Variants in GFRAL observed in about 807,000 individuals in gnomAD.
GFRAL encodes GDNF family receptor alpha-like.
Under a neutral mutation model 45.4 loss-of-function variants are expected in GFRAL, and 36 were observed. The ratio of observed to expected loss-of-function variants is 0.79; its 90% CI spans 0.61 to 1.05. The LOEUF is 1.05. Among genes scored for constraint, GFRAL ranks in the 50% least tolerant of loss-of-function variants. The pLI is 0.00. For missense variants in GFRAL, 507 were observed against 467.5 expected (o/e 1.08, Z -0.78); for synonymous variants, 166 against 154.1 (o/e 1.08, Z -0.57).
At chr6:55,359,352 A>G (rs1768242627) in intron 6 of GFRAL, among the ~76,000 whole-genome samples, 1 of 147,160 alleles carries the variant, frequency 6.8e-6, no homozygotes, top group Admixed American at 6.7e-5. Context: ...AAAAATTTAT[A>G]TGATAGGTCA....
chr6:55,355,947 CTTTAGCA>C (rs2127356460), intron 5 of GFRAL, among the ~76,000 whole-genome samples: 1 of 152,002 alleles, frequency 6.6e-6, no homozygotes, highest in African/African-American at 2.4e-5. Context: ...ACGTAGAGAA[CTTTAGCA>C]AATGCTTTTT....
intron 3 of GFRAL, among the ~76,000 whole-genome samples, chr6:55,343,595 C>T (rs1295440975): frequency 2.6e-5 from 4 of 152,096 alleles, no homozygotes; most frequent in Non-Finnish European, 4.4e-5. Context: ...AAAATTGACA[C>T]CCTAACATCA....
At chr6:55,366,433 T>C (rs1042372308) in intron 6 of GFRAL, among the ~76,000 whole-genome samples, 21 of 146,446 alleles carry the variant, frequency 1.4e-4, no homozygotes, top group Admixed American at 4.7e-4. Context: ...TTTGTGTCTC[T>C]ATTTCCTTCA....
At chr6:55,347,683 A>G (rs1054088093) in intron 3 of GFRAL, among the ~76,000 whole-genome samples, 4 of 152,268 alleles carry the variant, frequency 2.6e-5, no homozygotes, top group Middle Eastern at 3.4e-3. Context: ...TCGTGGTATG[A>G]TCTATATGGG....
chr6:55,346,368 A>G (rs1008636493), intron 3 of GFRAL, among the ~76,000 whole-genome samples: 1 of 152,222 alleles, frequency 6.6e-6, no homozygotes, highest in Admixed American at 6.5e-5. Flanking sequence ...GCCATAAAAA[A>G]GGATGAGTTC....
chr6:55,397,671 G>A (rs1768845340), intron 6 of GFRAL, among the ~76,000 whole-genome samples: 1 of 151,938 alleles, frequency 6.6e-6, no homozygotes, highest in Non-Finnish European at 1.5e-5. Context: ...GTTTACTACT[G>A]GTCTGAAACT....
chr6:55,384,370 T>C lies in GFRAL; in HGVS notation c.953-14810T>C, dbSNP rs559165932. ...TTTTTTCTATTAATTAAAAATAAAC[T>C]ATTACTATATTCCAGAGGCATTAGT... On this transcript the variant is annotated intron_variant, in intron 6 of 8. Coordinates refer to ENST00000340465, the MANE Select transcript of GFRAL (RefSeq NM_207410.2). 9.2e-5 allele frequency among the ~76,000 whole-genome samples: 14 copies of C among 152,204 alleles called. No homozygotes were observed. The East Asian group carries it at 2.7e-3, about 29-fold the overall frequency.
At chr6:55,329,225 T>C (rs1767800591) in intron 1 of GFRAL, among the ~76,000 whole-genome samples, 1 of 152,062 alleles carries the variant, frequency 6.6e-6, no homozygotes, top group Non-Finnish European at 1.5e-5. Context: ...GAGTCAATAT[T>C]TTGTTGAGTA....
chr6:55,329,023 T>G (rs891092288), intron 1 of GFRAL, among the ~76,000 whole-genome samples: 15 of 152,068 alleles, frequency 9.9e-5, no homozygotes, highest in African/African-American at 3.6e-4. Flanking sequence ...CTGATATAAT[T>G]TGCAGCATTA....
At chr6:55,363,886 C>A (rs1384139713) in intron 6 of GFRAL, among the ~76,000 whole-genome samples, 1 of 151,030 alleles carries the variant, frequency 6.6e-6, no homozygotes, top group African/African-American at 2.4e-5. Flanking sequence ...TGAATAATGT[C>A]GCAATAAACA....
chr6:55,347,810 GTC>G (rs202063228), intron 3 of GFRAL, among the ~76,000 whole-genome samples: 1,987 of 152,040 alleles, frequency 0.013, 22 homozygotes, highest in Non-Finnish European at 0.022. Flanking sequence ...ATTCTTCTCA[GTC>G]TCTTTTGAGC....
At chr6:55,361,512 C>G (rs2127357927) in intron 6 of GFRAL, among the ~76,000 whole-genome samples, 1 of 151,660 alleles carries the variant, frequency 6.6e-6, no homozygotes, top group South Asian at 2.1e-4. Flanking sequence ...TATCATTTTG[C>G]TGTTTTTTTA....
chr6:55,395,809 G>C (rs1217497439), intron 6 of GFRAL, among the ~76,000 whole-genome samples: 1 of 149,986 alleles, frequency 6.7e-6, no homozygotes, highest in East Asian at 1.9e-4. Flanking sequence ...AAAAGAAACA[G>C]TAATGCTCAC....
chr6:55,346,816 A>T (rs1768048320), intron 3 of GFRAL, among the ~76,000 whole-genome samples: 1 of 147,694 alleles, frequency 6.8e-6, no homozygotes, highest in African/African-American at 2.5e-5. Context: ...ATCAGTACAA[A>T]AAATAAACAA....
chr6:55,382,814 A>G (rs1418244374), intron 6 of GFRAL, among the ~76,000 whole-genome samples: 1 of 151,988 alleles, frequency 6.6e-6, no homozygotes, highest in African/African-American at 2.4e-5. Context: ...AATGAAAATC[A>G]CAATAAACAT....
intron 1 of GFRAL, 30 bp from the exon 2 acceptor site, chr6:55,331,685 A>G: frequency 1.3e-6 from 2 of 1,586,054 alleles, no homozygotes; most frequent in Non-Finnish European, 1.7e-6. Context: ...AATTTATATT[A>G]CAACCTTGTT....
rs1395110852 is a variant in GFRAL at position 55,351,267 on chromosome 6, T to C, written c.385T>C (p.Trp129Arg). The stretch of plus-strand genomic sequence containing the variant: ...ATTGCTTTCAGGATTCAAAGGGATG[T>C]GGTCCTGTTTGGAAGTGGCAGAGGC... ...TRSHHGFKGM[W>R]SCLEVAEACV... The change falls in exon 5 of 9, where the codon TGG (tryptophan) becomes CGG (arginine). Residue 129 changes from tryptophan (W) to arginine (R), a missense_variant. Transcript: ENST00000340465. 1 of 1,593,918 alleles carries C rather than the reference T, an allele frequency of 6.3e-7. No homozygotes were observed. Among genetic ancestry groups the C allele is most frequent in the South Asian group, 1.1e-5 (1 of 88,674 alleles).
At chr6:55,377,716 G>C (rs1165647493) in intron 6 of GFRAL, among the ~76,000 whole-genome samples, 1 of 152,006 alleles carries the variant, frequency 6.6e-6, no homozygotes, top group African/African-American at 2.4e-5. Context: ...CATGTAATCT[G>C]TCTCCCTAAA....
At chr6:55,345,439 C>T (rs974500727) in intron 3 of GFRAL, among the ~76,000 whole-genome samples, 8 of 152,002 alleles carry the variant, frequency 5.3e-5, no homozygotes, top group Non-Finnish European at 7.4e-5. Flanking sequence ...AACATGAAAT[C>T]GGGAAAGGAT....
Sources: gnomAD v4.1 joint callset for allele counts (sites outside exome capture counted in the v4.1 genomes callset) on GRCh38, gnomAD v4.1.1 for gene constraint, MANE v1.5 for transcripts, NCBI Gene and HGNC (gene_info 2026-07-23, HGNC 2026-07-21) for gene names.